The following MICU1 variants were observed in gnomAD, a reference collection of about 807,000 sequenced individuals.
MICU1 encodes the protein mitochondrial calcium uptake 1, also known as calcium uptake protein 1, mitochondrial.
In MICU1, 45 loss-of-function variants were observed where a neutral mutation model predicts 56.8. That is an observed-to-expected ratio of 0.79 (90% CI 0.62 to 1.02). The LOEUF is 1.02. Ranked by LOEUF, MICU1 falls within the 50% of genes least tolerant of loss-of-function variation. The pLI, the probability that MICU1 is intolerant of heterozygous loss-of-function variation, is 0.00. For missense variants in MICU1, 504 were observed against 587.1 expected (o/e 0.86, Z 1.46); for synonymous variants, 186 against 195.1 (o/e 0.95, Z 0.39).
chr10:72,583,878 T>G (rs546346771), intron 1 of MICU1, among the ~76,000 whole-genome samples: 7 of 152,296 alleles, frequency 4.6e-5, no homozygotes, highest in Admixed American at 3.3e-4. Flanking sequence ...TAGCTTAAAG[T>G]GACATTAGTG....
At chr10:72,537,995 G>C (rs1045465463) in intron 4 of MICU1, among the ~76,000 whole-genome samples, 3 of 152,060 alleles carry the variant, frequency 2.0e-5, no homozygotes, top group Non-Finnish European at 4.4e-5. Context: ...GGGTGCTGTG[G>C]GAGTTCTGAG....
intron 10 of MICU1, among the ~76,000 whole-genome samples, chr10:72,379,028 T>G (rs1412038459): frequency 6.6e-6 from 1 of 152,164 alleles, no homozygotes; most frequent in Non-Finnish European, 1.5e-5. Flanking sequence ...ATGAGATGTG[T>G]GTTGGGAAAT....
At chr10:72,398,468 C>CA (rs1048855255) in intron 10 of MICU1, among the ~76,000 whole-genome samples, 37 of 146,990 alleles carry the variant, frequency 2.5e-4, no homozygotes, top group African/African-American at 6.8e-4. Context: ...GATAGAGACA[C>CA]AAAAAAAACC....
At chr10:72,434,416 T>C (rs1164804801) in intron 8 of MICU1, among the ~76,000 whole-genome samples, 2 of 152,148 alleles carry the variant, frequency 1.3e-5, no homozygotes, top group Non-Finnish European at 2.9e-5. Context: ...ATGCAGTTCA[T>C]GTTTCCACAT....
intron 1 of MICU1, among the ~76,000 whole-genome samples, chr10:72,601,253 A>G (rs1841525000): frequency 6.6e-6 from 1 of 152,060 alleles, no homozygotes; most frequent in Admixed American, 6.6e-5. Context: ...GAGACCCTGT[A>G]TCTACAAAAA....
rs1199987987 is a variant in MICU1 at position 72,512,100 on chromosome 10, G to GTTTTTTTTTTTTTTTTTTT, written c.538-3832_538-3831insAAAAAAAAAAAAAAAAAAA. Among the ~76,000 whole-genome samples, 9 of 82,336 alleles carry GTTTTTTTTTTTTTTTTTTT rather than the reference G, an allele frequency of 1.1e-4. 2 individuals carry two copies. Among genetic ancestry groups the GTTTTTTTTTTTTTTTTTTT allele is most frequent in the African/African-American group, 5.2e-4 (9 of 17,242 alleles). 54.0% of individuals were successfully genotyped at this position (82,336 alleles called of 152,430 possible). On this transcript the variant is annotated intron_variant, in intron 5 of 11. Coordinates refer to ENST00000361114, the MANE Select transcript of MICU1 (RefSeq NM_001195518.2). ...ATCAATCTGGCATCCATACACAGTT[G>GTTTTTTTTTTTTTTTTTTT]TTTTTTGTTTTTTTTTTTTTTTTTT...
intron 5 of MICU1, among the ~76,000 whole-genome samples, chr10:72,521,259 A>C (rs1372941691): frequency 6.6e-6 from 1 of 152,148 alleles, no homozygotes; most frequent in African/African-American, 2.4e-5. Flanking sequence ...ACCTTGATCT[A>C]AACTGCTTTA....
At chr10:72,395,009 T>A (rs1352641597) in intron 10 of MICU1, among the ~76,000 whole-genome samples, 1 of 151,664 alleles carries the variant, frequency 6.6e-6, no homozygotes, top group Non-Finnish European at 1.5e-5. Context: ...TGAAACCCCA[T>A]CTCTACTAAA....
Position 72,408,024 on chromosome 10 carries a change from T to C in MICU1, c.1085A>G (p.Gln362Arg). ...GAAAGTAAAGAAGTTCTCCACCTCC[T>C]GAAATGTCAGACCCTGCAAGAGGAG... is the stretch of plus-strand genomic sequence containing the variant. ...HFKEGKGLTF[Q>R]EVENFFTFLK... Residue 362 changes from glutamine (Q) to arginine (R), a missense_variant, in exon 10 of 12, where the codon CAG becomes CGG. Physicochemically the swap from Gln to Arg is conservative, Grantham distance 43. Transcript: ENST00000361114. 1 of 1,613,004 alleles carries C rather than the reference T, an allele frequency of 6.2e-7. No homozygotes were observed. The highest frequency in any genetic ancestry group is 8.5e-7 in the Non-Finnish European group (1 of 1,179,220).
At chr10:72,448,039 A>G (rs1054014419) in intron 8 of MICU1, among the ~76,000 whole-genome samples, 4 of 151,128 alleles carry the variant, frequency 2.6e-5, no homozygotes, top group Non-Finnish European at 4.4e-5. Flanking sequence ...CTTATCATCC[A>G]TTTTAATTCT....
At chr10:72,568,855 C>T (rs1443347653) in intron 1 of MICU1, among the ~76,000 whole-genome samples, 1 of 147,876 alleles carries the variant, frequency 6.8e-6, no homozygotes, top group Non-Finnish European at 1.5e-5. Flanking sequence ...CGGGTTCAAG[C>T]GATTCTCCTG....
chr10:72,621,026 CA>C (rs1455010245), intron 1 of MICU1, among the ~76,000 whole-genome samples: 1 of 151,952 alleles, frequency 6.6e-6, no homozygotes, highest in Non-Finnish European at 1.5e-5. Flanking sequence ...AGATTGAGAC[CA>C]CCCTGGGCAA....
At position 72,368,308 on chromosome 10, in the gene MICU1, G is replaced by A; in HGVS notation, c.1318C>T (p.Arg440Trp). ...GGCTTTTCCAGGCCTCTCATCAGCC[G>A]TTGCTTCATGATGGAAACAAATTCC... ...NKEFVSIMKQ[R>W]LMRGLEKPKD... Residue 440 changes from arginine to tryptophan, a missense_variant, in exon 12 of 12, where the codon CGG (arginine) becomes TGG (tryptophan). By Grantham distance (101) the Arg-to-Trp change is moderately radical. Transcript: ENST00000361114. 3.1e-6 allele frequency: 5 copies of A among 1,614,008 alleles called. No homozygotes were observed. The highest frequency in any genetic ancestry group is 4.2e-6 in the Non-Finnish European group (5 of 1,179,880).
intron 10 of MICU1, among the ~76,000 whole-genome samples, chr10:72,387,805 AC>A (rs1262139854): frequency 6.6e-6 from 1 of 151,802 alleles, no homozygotes; most frequent in African/African-American, 2.4e-5. Flanking sequence ...AAAAAAAAAA[AC>A]ACTTTTTATG....
In MICU1 at chr10:72,594,503, C is replaced by A. The variant is rs534594818; in HGVS notation, c.-1-27709G>T. ...ATGACACTAGATTTGGCAATGATTT[C>A]TTTGGATATGATTCCAAAGGCAAAG... On this transcript the variant is annotated intron_variant, in intron 1 of 11. Transcript: ENST00000361114. 1.7e-3 allele frequency among the ~76,000 whole-genome samples: 261 copies of A among 152,190 alleles called. 1 individual carries two copies. The highest frequency in any genetic ancestry group is 3.0e-3 in the Non-Finnish European group (202 of 67,994).
chr10:72,456,903 T>G (rs1396429976), intron 8 of MICU1, among the ~76,000 whole-genome samples: 10 of 113,870 alleles, frequency 8.8e-5, no homozygotes, highest in Admixed American at 6.6e-4. Flanking sequence ...GTGTGTGTGT[T>G]TTGTTTGTTT....
chr10:72,373,319 C>T (rs1353157076), intron 11 of MICU1, among the ~76,000 whole-genome samples: 1 of 151,844 alleles, frequency 6.6e-6, no homozygotes, highest in Non-Finnish European at 1.5e-5. Context: ...GCTAGAACTA[C>T]ATGCACACAC....
At chr10:72,369,707 T>C (rs1862263735) in intron 11 of MICU1, among the ~76,000 whole-genome samples, 1 of 151,820 alleles carries the variant, frequency 6.6e-6, no homozygotes, top group Non-Finnish European at 1.5e-5. Context: ...TTTTTGTTGT[T>C]GTTGTTGTTT....
chr10:72,396,826 G>A (rs528541071), intron 10 of MICU1, among the ~76,000 whole-genome samples: 1 of 152,334 alleles, frequency 6.6e-6, no homozygotes, highest in East Asian at 1.9e-4. Flanking sequence ...ACCTGAAAGT[G>A]ATGGGGAGAA....
Sources: gnomAD v4.1 joint callset for allele counts (sites outside exome capture counted in the v4.1 genomes callset) on GRCh38, gnomAD v4.1.1 for gene constraint, MANE v1.5 for transcripts, NCBI Gene and HGNC (gene_info 2026-07-23, HGNC 2026-07-21) for gene names.